Variants in KHDRBS2 observed in about 807,000 individuals in gnomAD.
KHDRBS2 encodes KH RNA binding domain containing, signal transduction associated 2.
In KHDRBS2, 26 loss-of-function variants were observed where a neutral mutation model predicts 44.3. The observed-to-expected ratio is 0.59, with a 90% CI of 0.43 to 0.81. KHDRBS2 has a LOEUF of 0.81. Among genes scored for constraint, KHDRBS2 ranks in the 40% least tolerant of loss-of-function variants. The pLI, the probability that KHDRBS2 is intolerant of heterozygous loss-of-function variation, is 0.00. For synonymous variants in KHDRBS2, 194 were observed against 151.1 expected (o/e 1.28, Z -2.08); for missense variants, 476 against 433.1 (o/e 1.10, Z -0.88).
the KHDRBS2 span, among the ~76,000 whole-genome samples, chr6:61,566,165 T>C: frequency 6.6e-6 from 1 of 152,082 alleles, no homozygotes; most frequent in East Asian, 1.9e-4. Context: ...ATGTTCTCAC[T>C]AACATGTGGG....
chr6:61,644,657 G>C, the KHDRBS2 span, among the ~76,000 whole-genome samples: 2 of 152,130 alleles, frequency 1.3e-5, no homozygotes, highest in African/African-American at 2.4e-5. Context: ...GACATGAACA[G>C]ACACTTTTCT....
the KHDRBS2 span, among the ~76,000 whole-genome samples, chr6:61,668,731 C>T: frequency 0.16 from 23,516 of 150,836 alleles, 2,279 homozygotes; most frequent in South Asian, 0.27. Context: ...TTTTAAGCTA[C>T]ATTCTTTTTC....
At chr6:61,557,734 A>G in the KHDRBS2 span, among the ~76,000 whole-genome samples, 1 of 152,156 alleles carries the variant, frequency 6.6e-6, no homozygotes, top group Non-Finnish European at 1.5e-5. Flanking sequence ...CAACAACTGA[A>G]TTTGGTAAAA....
chr6:61,548,069 C>G, the KHDRBS2 span, among the ~76,000 whole-genome samples: 2 of 152,030 alleles, frequency 1.3e-5, no homozygotes, highest in Non-Finnish European at 2.9e-5. Flanking sequence ...TCAATATTTT[C>G]AAGGAGACAA....
chr6:62,167,671 T>C (rs1037355702), intron 2 of KHDRBS2, among the ~76,000 whole-genome samples: 16 of 152,250 alleles, frequency 1.1e-4, no homozygotes, highest in African/African-American at 3.6e-4. Flanking sequence ...GCCCATCAAA[T>C]CCTCTCTTCC....
chr6:61,553,474 T>C, the KHDRBS2 span, among the ~76,000 whole-genome samples: 1 of 152,184 alleles, frequency 6.6e-6, no homozygotes, highest in Non-Finnish European at 1.5e-5. Context: ...TCATTCATCA[T>C]TTGCATGAGT....
chr6:61,976,427 G>A (rs1458786285), intron 4 of KHDRBS2, among the ~76,000 whole-genome samples: 1 of 151,896 alleles, frequency 6.6e-6, no homozygotes, highest in Admixed American at 6.6e-5. Context: ...TTCTAATAGA[G>A]GAGTGTTAAC....
At chr6:61,556,687 C>T in the KHDRBS2 span, among the ~76,000 whole-genome samples, 6 of 152,026 alleles carry the variant, frequency 3.9e-5, no homozygotes, top group African/African-American at 9.7e-5. Flanking sequence ...CCTAATTCAG[C>T]TTACAGCACA....
At chr6:61,891,572 T>C (rs1017184654) in intron 6 of KHDRBS2, among the ~76,000 whole-genome samples, 2 of 151,812 alleles carry the variant, frequency 1.3e-5, no homozygotes, top group African/African-American at 4.8e-5. Context: ...CTGGACTGTT[T>C]TTGGGATGCA....
chr6:62,081,688 A>G (rs1160156696), intron 2 of KHDRBS2, among the ~76,000 whole-genome samples: 2 of 152,146 alleles, frequency 1.3e-5, no homozygotes, highest in Non-Finnish European at 2.9e-5. Context: ...ATCTTTATGT[A>G]AATATATTCA....
chr6:61,642,792 C>A, the KHDRBS2 span, among the ~76,000 whole-genome samples: 1 of 152,092 alleles, frequency 6.6e-6, no homozygotes, highest in Non-Finnish European at 1.5e-5. Flanking sequence ...ATGTTCTAAT[C>A]CACTTTTGGA....
chr6:62,131,498 G>A (rs1013429123), intron 2 of KHDRBS2, among the ~76,000 whole-genome samples: 8 of 152,196 alleles, frequency 5.3e-5, no homozygotes, highest in South Asian at 2.1e-4. Context: ...CTGAAGGAAC[G>A]AGGGAGCCGA....
intron 1 of KHDRBS2, among the ~76,000 whole-genome samples, chr6:62,194,258 G>A (rs192474434): frequency 7.9e-5 from 12 of 151,822 alleles, no homozygotes; most frequent in Admixed American, 7.9e-4. Context: ...AACAGGATAA[G>A]AGTCCAACTT....
chr6:61,941,092 C>G (rs1294901509), intron 4 of KHDRBS2, among the ~76,000 whole-genome samples: 1 of 152,172 alleles, frequency 6.6e-6, no homozygotes, highest in East Asian at 1.9e-4. Flanking sequence ...ACAAGCCCGC[C>G]CAGCTTGGCT....
intron 2 of KHDRBS2, among the ~76,000 whole-genome samples, chr6:62,164,676 A>AG (rs1413593482): frequency 6.6e-6 from 1 of 151,946 alleles, no homozygotes; most frequent in Non-Finnish European, 1.5e-5. Context: ...ACAAATATAT[A>AG]ATTCTAACAT....
At chr6:62,112,396 A>G (rs758828326) in intron 2 of KHDRBS2, among the ~76,000 whole-genome samples, 13 of 152,124 alleles carry the variant, frequency 8.5e-5, no homozygotes, top group Non-Finnish European at 1.8e-4. Context: ...TGAGCCATCT[A>G]TATCTCTACT....
intron 4 of KHDRBS2, among the ~76,000 whole-genome samples, chr6:61,954,370 CGT>C (rs1765504181): frequency 9.1e-5 from 5 of 54,924 alleles, no homozygotes; most frequent in Non-Finnish European, 2.1e-4. Context: ...TACATATATA[CGT>C]ATGTATGCAT....
At chr6:61,559,317 T>C in the KHDRBS2 span, among the ~76,000 whole-genome samples, 1 of 151,452 alleles carries the variant, frequency 6.6e-6, no homozygotes, top group Admixed American at 6.6e-5. Flanking sequence ...TATATGTGAA[T>C]TGTGTTTCTT....
At chr6:61,996,834 A>G (rs1777274069) in intron 3 of KHDRBS2, among the ~76,000 whole-genome samples, 1 of 117,604 alleles carries the variant, frequency 8.5e-6, no homozygotes, top group South Asian at 3.0e-4. Context: ...CCCAGGCTGG[A>G]GTGCAGTGGC....
Sources: gnomAD v4.1 joint callset for allele counts (sites outside exome capture counted in the v4.1 genomes callset) on GRCh38, gnomAD v4.1.1 for gene constraint, MANE v1.5 for transcripts, NCBI Gene and HGNC (gene_info 2026-07-23, HGNC 2026-07-21) for gene names.